Variants in GPHN observed in about 807,000 individuals in gnomAD.
GPHN encodes gephyrin.
Under a neutral mutation model 95.5 loss-of-function variants are expected in GPHN, and 17 were observed. The ratio of observed to expected loss-of-function variants is 0.18; its 90% CI spans 0.12 to 0.27. GPHN has a LOEUF of 0.27. GPHN is among the 10% of genes least tolerant of loss of function. GPHN has a pLI of 1.00. For missense variants in GPHN, 660 were observed against 978.1 expected (o/e 0.67, Z 4.34); for synonymous variants, 320 against 322.5 (o/e 0.99, Z 0.08).
At chr14:66,546,651 A>G (rs555482212) in intron 1 of GPHN, among the ~76,000 whole-genome samples, 2 of 151,554 alleles carry the variant, frequency 1.3e-5, no homozygotes, top group East Asian at 4.0e-4. Flanking sequence ...GCGTGCCTGC[A>G]ATCGCAGGCA....
the GPHN span, chr14:67,345,935 A>C: frequency 2.0e-6 from 2 of 998,412 alleles, no homozygotes; most frequent in Non-Finnish European, 3.1e-6. Flanking sequence ...AAAATTCCCC[A>C]AAAGGAGATA....
At chr14:66,788,886 G>C (rs994857096) in intron 3 of GPHN, among the ~76,000 whole-genome samples, 1 of 152,076 alleles carries the variant, frequency 6.6e-6, no homozygotes. Context: ...GGTTTCGCCA[G>C]TAGGCTGATC....
chr14:66,557,234 TA>T (rs2060038477), intron 1 of GPHN, among the ~76,000 whole-genome samples: 2 of 119,682 alleles, frequency 1.7e-5, no homozygotes, highest in Admixed American at 1.7e-4. Flanking sequence ...GATACATAGG[TA>T]GGTAGATAGA....
At chr14:66,636,760 T>C (rs2064123194) in intron 1 of GPHN, among the ~76,000 whole-genome samples, 1 of 152,130 alleles carries the variant, frequency 6.6e-6, no homozygotes, top group Non-Finnish European at 1.5e-5. Flanking sequence ...TTCAGCAAAG[T>C]TTCTGAAAAG....
intron 1 of GPHN, among the ~76,000 whole-genome samples, chr14:66,556,857 T>G (rs1455823531): frequency 1.3e-5 from 2 of 152,040 alleles, no homozygotes; most frequent in Admixed American, 1.3e-4. Flanking sequence ...ACACAAAGGC[T>G]TCTACTTCAA....
chr14:67,381,270 A>T, the GPHN span, among the ~76,000 whole-genome samples: 4 of 152,244 alleles, frequency 2.6e-5, no homozygotes, highest in Admixed American at 2.6e-4. Flanking sequence ...TTACAAAAAA[A>T]TGCTACAAAT....
the GPHN span, among the ~76,000 whole-genome samples, chr14:67,237,789 T>A: frequency 1.3e-5 from 2 of 152,216 alleles, no homozygotes. Context: ...CTTTCACTAC[T>A]CATCCATAAT....
intron 1 of GPHN, among the ~76,000 whole-genome samples, chr14:66,581,423 G>T (rs1364165983): frequency 6.6e-6 from 1 of 151,766 alleles, no homozygotes; most frequent in Non-Finnish European, 1.5e-5. Flanking sequence ...GATAAAAAGT[G>T]GGAATCAGAG....
intron 17 of GPHN, among the ~76,000 whole-genome samples, chr14:67,131,833 A>G (rs1211509497): frequency 6.6e-6 from 1 of 152,210 alleles, no homozygotes; most frequent in East Asian, 1.9e-4. Flanking sequence ...AATTGAGTTT[A>G]TATAATTCCT....
chr14:66,808,521 C>T (rs932426405), intron 3 of GPHN, among the ~76,000 whole-genome samples: 19 of 152,174 alleles, frequency 1.2e-4, no homozygotes, highest in African/African-American at 4.3e-4. Flanking sequence ...ATATTTTAGA[C>T]CAGGCGCGGT....
At chr14:66,641,886 CTA>C (rs1020964190) in intron 1 of GPHN, among the ~76,000 whole-genome samples, 4 of 152,156 alleles carry the variant, frequency 2.6e-5, no homozygotes, top group East Asian at 1.9e-4. Flanking sequence ...AAAAAAATGA[CTA>C]TCTCTTCTGA....
At chr14:67,041,849 T>C (rs1259416800) in intron 10 of GPHN, among the ~76,000 whole-genome samples, 2 of 152,196 alleles carry the variant, frequency 1.3e-5, no homozygotes, top group Non-Finnish European at 2.9e-5. Flanking sequence ...GTAAATGTGT[T>C]CCTATTCTTC....
At chr14:67,036,291 CTTTTTTTT>C (rs539721319) in intron 10 of GPHN, among the ~76,000 whole-genome samples, 1 of 143,272 alleles carries the variant, frequency 7.0e-6, no homozygotes, top group African/African-American at 2.5e-5. Flanking sequence ...AAACTGGAAG[CTTTTTTTT>C]TTTAAGATCA....
At chr14:67,010,273 G>T (rs1025670982) in intron 9 of GPHN, among the ~76,000 whole-genome samples, 1 of 137,704 alleles carries the variant, frequency 7.3e-6, no homozygotes, top group African/African-American at 2.5e-5. Context: ...AGAATAGGCC[G>T]GGCGCGGTGG....
At chr14:67,072,448 A>G (rs1048408121) in intron 11 of GPHN, among the ~76,000 whole-genome samples, 7 of 152,018 alleles carry the variant, frequency 4.6e-5, no homozygotes, top group Admixed American at 1.3e-4. Context: ...TGCTGCAAGA[A>G]TTACCTTTTT....
At chr14:67,027,266 A>G (rs2073975069) in intron 10 of GPHN, among the ~76,000 whole-genome samples, 1 of 152,232 alleles carries the variant, frequency 6.6e-6, no homozygotes, top group Admixed American at 6.5e-5. Flanking sequence ...GAAATCAAGT[A>G]AAATAAAAAA....
intron 1 of GPHN, among the ~76,000 whole-genome samples, chr14:66,648,362 A>G (rs1382311750): frequency 6.6e-5 from 10 of 152,164 alleles, no homozygotes; most frequent in Admixed American, 5.2e-4. Context: ...ATAATTATTC[A>G]TTTTATTTAT....
In GPHN at chr14:66,521,897, CA is replaced by C. The variant is rs147560578; in HGVS notation, c.64+13307del. On this transcript the variant is annotated intron_variant, in intron 1 of 22. Coordinates refer to ENST00000478722, the MANE Select transcript of GPHN (RefSeq NM_020806.5). ...AAAGGGGAAAAGTGTGCTGAGCAAG[CA>C]GACAACTTTTTTTTTAGAGGGTCCC... Among the ~76,000 whole-genome samples the C allele has an allele frequency of 1.6e-4, 24 of 152,218 alleles. No homozygotes were observed. The East Asian group carries it at 3.1e-3, about 20-fold the overall frequency.
chr14:67,404,630 C>CAAT, the GPHN span, among the ~76,000 whole-genome samples: 3 of 151,872 alleles, frequency 2.0e-5, no homozygotes, highest in African/African-American at 7.3e-5. Context: ...GACAACACAG[C>CAAT]AATACCTAGT....
Sources: allele counts gnomAD v4.1 joint callset (sites outside exome capture counted in the v4.1 genomes callset), GRCh38; gene constraint gnomAD v4.1.1; transcripts MANE v1.5; gene names NCBI Gene and HGNC (gene_info 2026-07-23, HGNC 2026-07-21).